The following TXLNG variants were observed in gnomAD, a reference collection of about 807,000 sequenced individuals.
TXLNG encodes gamma-taxilin.
In TXLNG, 5 loss-of-function variants were observed where a neutral mutation model predicts 38.8. That is an observed-to-expected ratio of 0.13 (90% CI 0.07 to 0.27). TXLNG has a LOEUF of 0.27. Among genes scored for constraint, TXLNG ranks in the 10% least tolerant of loss-of-function variants. The probability of loss-of-function intolerance (pLI) is 1.00; values close to 1 mark genes in which losing one functional copy is unlikely to be tolerated. For synonymous variants in TXLNG, 182 were observed against 158.2 expected, an observed-to-expected ratio of 1.15 and a Z score of -1.13; for missense variants, 393 against 398.2, an observed-to-expected ratio of 0.99 and a Z score of 0.11.
At position 16,818,818 on chromosome X, in the gene TXLNG, C is replaced by G. The variant is rs1312263508; in HGVS notation, c.347C>G (p.Thr116Arg). 3 of 1,211,854 alleles carry G rather than the reference C, an allele frequency of 2.5e-6. No individual in the cohort carries two copies. The highest frequency in any genetic ancestry group is 3.4e-6 in the Non-Finnish European group (3 of 895,491). ...GAAATCCCTGGGGGAGAAGCTCGAA[C>G]AGATCCCCCTGATGGTCAGCAAGAT... is the stretch of plus-strand genomic sequence containing the variant. ...REEIPGGEAR[T>R]DPPDGQQDSE... The change falls in exon 2 of 10, where the codon ACA (threonine) becomes AGA (arginine). Residue 116 changes from threonine (T) to arginine (R), a missense_variant. Coordinates refer to ENST00000380122, the MANE Select transcript of TXLNG (RefSeq NM_018360.3).
At chrX:16,832,546 G>A in intron 5 of TXLNG, 77 bp from the exon 6 acceptor site, 3 of 1,170,837 alleles carry the variant, frequency 2.6e-6, no homozygotes, top group African/African-American at 1.8e-5. Flanking sequence ...GCAGGGTGCT[G>A]TAACTGCTGT....
chrX:16,838,488 T>C (rs1321947726), intron 8 of TXLNG, among the ~76,000 whole-genome samples: 3 of 111,991 alleles, frequency 2.7e-5, no homozygotes, highest in Non-Finnish European at 5.6e-5. Flanking sequence ...TATGGACAAA[T>C]TGTTAAACCT....
At chrX:16,840,041 T>C in intron 9 of TXLNG, 125 bp downstream of exon 9, 1 of 492,929 alleles carries the variant, frequency 2.0e-6, no homozygotes, top group East Asian at 3.9e-5. Flanking sequence ...CCAGCCCGCG[T>C]TGGGGCGGGG....
Position 16,829,615 on chromosome X carries a change from C to T in TXLNG, c.709C>T (p.Arg237Cys), listed in dbSNP as rs928315783. ...GCAGGCACGAGAGGAAGAAGAACGACGTAAAGAAGCAACTGCACATTTCCA... is the reference window on the plus strand; with the variant it reads ...GCAGGCACGAGAGGAAGAAGAACGATGTAAAGAAGCAACTGCACATTTCCA... ...MQQAREEEER[R>C]KEATAHFQIT... The change falls in exon 5 of 10, where the codon CGT (arginine) becomes TGT (cysteine). Residue 237 changes from arginine (R) to cysteine (C), a missense_variant. Arg to Cys is a radical substitution (Grantham distance 180). Coordinates refer to ENST00000380122, the MANE Select transcript of TXLNG (RefSeq NM_018360.3). 1.7e-6 allele frequency: 2 copies of T among 1,211,103 alleles called. No individual in the cohort carries two copies. The highest frequency in any genetic ancestry group is 1.1e-6 in the Non-Finnish European group (1 of 895,323).
In TXLNG at chrX:16,828,191, G is replaced by A; in HGVS notation, c.596G>A (p.Ser199Asn). 8.3e-7 allele frequency: 1 copy of A among 1,211,195 alleles called. No individual in the cohort carries two copies. The highest frequency in any genetic ancestry group is 2.2e-5 in the Admixed American group (1 of 45,969). The part of the protein sequence containing the change: ...KEKVHLQSEH[S>N]KAILARSKLE... ...AAAGTTCACTTGCAGAGTGAACATA[G>A]CAAGGCTATCTTGGCAAGAAGCAAG... is the stretch of plus-strand genomic sequence containing the variant. The change falls in exon 4 of 10, where the codon AGC (serine) becomes AAC (asparagine). Residue 199 changes from serine (S) to asparagine (N), a missense_variant. By Grantham distance (46) the Ser-to-Asn change is conservative. Coordinates refer to ENST00000380122, the MANE Select transcript of TXLNG (RefSeq NM_018360.3).
chrX:16,824,747 T>C (rs1342713936), intron 3 of TXLNG, among the ~76,000 whole-genome samples: 28 of 86,912 alleles, frequency 3.2e-4, no homozygotes, highest in African/African-American at 1.4e-3. Context: ...TGAAAGCCCG[T>C]CTCTACTAAA....
In TXLNG at chrX:16,840,388, T is replaced by C. The variant is rs561118599; in HGVS notation, c.1248+472T>C. The stretch of plus-strand genomic sequence containing the variant: ...TGTAGGGCCTTTCTAGCTTGACTTA[T>C]TAGGCTTTCAAAAAAAGCAACAAAG... On this transcript the variant is annotated intron_variant, in intron 9 of 9. Coordinates refer to ENST00000380122, the MANE Select transcript of TXLNG (RefSeq NM_018360.3). 74 of 729,026 alleles carry C rather than the reference T, an allele frequency of 1.0e-4. No individual in the cohort carries two copies. In the African/African-American group the frequency reaches 1.6e-3, roughly 15 times the overall value. 60.1% of individuals were successfully genotyped at this position (729,026 alleles called of 1,213,427 possible).
chrX:16,790,894 G>A (rs1927677621), intron 1 of TXLNG, among the ~76,000 whole-genome samples: 1 of 111,962 alleles, frequency 8.9e-6, no homozygotes, highest in Non-Finnish European at 1.9e-5. Context: ...ACAGTAATGA[G>A]TAGTGTAGTA....
chrX:16,839,845 G>A lies in TXLNG; in HGVS notation c.1177G>A (p.Glu393Lys), dbSNP rs761133128. 1 of 1,198,646 alleles carries A rather than the reference G, an allele frequency of 8.3e-7. No homozygotes were observed. The highest frequency in any genetic ancestry group is 1.1e-6 in the Non-Finnish European group (1 of 888,609). The change falls in exon 9 of 10, where the codon GAA becomes AAA. Residue 393 changes from glutamate (E) to lysine (K), a missense_variant. Physicochemically the swap from Glu to Lys is moderately conservative, Grantham distance 56. Coordinates refer to ENST00000380122, the MANE Select transcript of TXLNG (RefSeq NM_018360.3). ...GATGACAAAGAAAATTAAAAAACTGGAAAAAGAAACAATAATTTGGCGTAC... is the reference window on the plus strand; with the variant it reads ...GATGACAAAGAAAATTAAAAAACTGAAAAAAGAAACAATAATTTGGCGTAC... ...EKMTKKIKKL[E>K]KETIIWRTKW...
At chrX:16,819,024 C>G (rs1323500091) in intron 2 of TXLNG, 147 bp downstream of exon 2, 10 of 526,267 alleles carry the variant, frequency 1.9e-5, no homozygotes, top group Non-Finnish European at 2.6e-5. Flanking sequence ...CATGTGTCTG[C>G]TGCAGTTATG....
chrX:16,803,866 C>T (rs1277777643), intron 1 of TXLNG, among the ~76,000 whole-genome samples: 5 of 109,502 alleles, frequency 4.6e-5, no homozygotes, highest in African/African-American at 3.3e-5. Context: ...GCAGGAGAAT[C>T]GCTTGAACCC....
chrX:16,832,521 A>ATT, intron 5 of TXLNG, 102 bp from the exon 6 acceptor site: 1 of 1,074,692 alleles, frequency 9.3e-7, no homozygotes, highest in Non-Finnish European at 1.3e-6. Flanking sequence ...TGGTAGTAGC[A>ATT]GAACAGCAGG....
At chrX:16,836,033 G>A (rs975062042) in intron 7 of TXLNG, among the ~76,000 whole-genome samples, 2 of 112,396 alleles carry the variant, frequency 1.8e-5, no homozygotes, top group African/African-American at 3.2e-5. Context: ...CAAGGCGGGC[G>A]GATCGCTTGA....
chrX:16,838,545 T>C (rs760875863), intron 8 of TXLNG, among the ~76,000 whole-genome samples: 20 of 112,367 alleles, frequency 1.8e-4, no homozygotes, highest in Non-Finnish European at 2.6e-4. Context: ...CTGCCCTTCA[T>C]GAAATAGAGT....
At chrX:16,799,122 G>C (rs376668537) in intron 1 of TXLNG, among the ~76,000 whole-genome samples, 2 of 110,095 alleles carry the variant, frequency 1.8e-5, no homozygotes, top group African/African-American at 6.6e-5. Flanking sequence ...CAGGTGATCC[G>C]CGCACCTCGG....
intron 3 of TXLNG, among the ~76,000 whole-genome samples, chrX:16,822,198 G>A (rs1369137934): frequency 9.6e-6 from 1 of 104,294 alleles, no homozygotes; most frequent in African/African-American, 3.5e-5. Flanking sequence ...AAAATTAGCC[G>A]GGTGTGGTGG....
intron 1 of TXLNG, among the ~76,000 whole-genome samples, chrX:16,787,575 A>G (rs139600263): frequency 1.5e-4 from 17 of 110,656 alleles, no homozygotes; most frequent in Admixed American, 1.1e-3. Context: ...GAACGGGACA[A>G]TTCCACTTGT....
Position 16,844,393 on chromosome X carries a change from AC to A in TXLNG, c.*2628del, listed in dbSNP as rs1342235042. 5 of 112,555 alleles carry A rather than the reference AC, an allele frequency of 4.4e-5. No homozygotes were observed. The highest frequency in any genetic ancestry group is 1.6e-4 in the African/African-American group (5 of 30,968). 9.3% of individuals were successfully genotyped at this position (112,555 alleles called of 1,213,427 possible). On this transcript the variant is annotated 3_prime_UTR_variant, in exon 10 of 10. Transcript: ENST00000380122. ...TACAGCCCACGTCTTTCATGAGGAT[AC>A]GAATTGTTAAGAGGCAGTCTCGTTT... is the stretch of plus-strand genomic sequence containing the variant.
In TXLNG at chrX:16,837,632, A is replaced by G. The variant is rs1292560246; in HGVS notation, c.1099A>G (p.Thr367Ala). The change falls in exon 8 of 10, where the codon ACC (threonine) becomes GCC (alanine). Residue 367 changes from threonine (T) to alanine (A), a missense_variant. Transcript: ENST00000380122. ...YMDKFEEFQT[T>A]MAKSNELFTT... ...GGATAAGTTTGAAGAATTCCAGACTACCATGGCAAAAAGCAATGAACTGTT... is the reference window on the plus strand; with the variant it reads ...GGATAAGTTTGAAGAATTCCAGACTGCCATGGCAAAAAGCAATGAACTGTT... The G allele has an allele frequency of 1.7e-6, 2 of 1,208,759 alleles. No individual in the cohort carries two copies. Among genetic ancestry groups the G allele is most frequent in the Non-Finnish European group, 2.2e-6 (2 of 893,824 alleles).
Sources: gnomAD v4.1 joint callset for allele counts (sites outside exome capture counted in the v4.1 genomes callset) on GRCh38, gnomAD v4.1.1 for gene constraint, MANE v1.5 for transcripts, NCBI Gene and HGNC (gene_info 2026-07-23, HGNC 2026-07-21) for gene names.